The following KATNAL2 variants were observed in gnomAD, a reference collection of about 807,000 sequenced individuals.
KATNAL2 encodes the protein katanin catalytic subunit A1 like 2.
Under a neutral mutation model 76.3 loss-of-function variants are expected in KATNAL2, and 52 were observed. The ratio of observed to expected loss-of-function variants is 0.68; its 90% confidence interval spans 0.55 to 0.86. KATNAL2 has a LOEUF of 0.86. Ranked by LOEUF, KATNAL2 falls within the 40% of genes least tolerant of loss-of-function variation. KATNAL2 has a pLI of 0.00. For synonymous variants in KATNAL2, 243 were observed against 244.2 expected, an observed-to-expected ratio of 1.00 and a Z score of 0.05; for missense variants, 660 against 668.9, an observed-to-expected ratio of 0.99 and a Z score of 0.15.
At position 46,961,155 on chromosome 18, in the gene KATNAL2, T is replaced by C. The variant is rs2059930474; in HGVS notation, c.51+14232T>C. Among the ~76,000 whole-genome samples, 3 of 152,358 alleles carry C rather than the reference T, an allele frequency of 2.0e-5. No individual in the cohort carries two copies. The South Asian group carries it at 6.2e-4, about 32-fold the overall frequency. On this transcript the variant is annotated intron_variant, in intron 3 of 17. Coordinates refer to ENST00000683218, the MANE Select transcript of KATNAL2 (RefSeq NM_001387690.1). ...TTTAGGTCAGGGGTAGATTTTTTAATTTTTTTCTTTAACTACAAGGACCAG... is the reference window on the plus strand; with the variant it reads ...TTTAGGTCAGGGGTAGATTTTTTAACTTTTTTCTTTAACTACAAGGACCAG...
intron 1 of KATNAL2, among the ~76,000 whole-genome samples, chr18:46,920,540 ATTGT>A (rs1309702624): frequency 3.9e-5 from 6 of 152,098 alleles, no homozygotes; most frequent in African/African-American, 7.2e-5. Flanking sequence ...AAGGTTTTAG[ATTGT>A]TTGAGTTGAG....
intron 2 of KATNAL2, 127 bp from the exon 3 acceptor site, chr18:46,946,727 C>A: frequency 1.8e-6 from 2 of 1,110,202 alleles, no homozygotes; most frequent in Non-Finnish European, 2.6e-6. Context: ...AAGAATCCTT[C>A]TGTGGCCAGC....
intron 3 of KATNAL2, among the ~76,000 whole-genome samples, chr18:46,961,422 A>T (rs1405930370): frequency 1.3e-5 from 2 of 152,196 alleles, no homozygotes; most frequent in African/African-American, 4.8e-5. Context: ...AGTGACAGCG[A>T]TTCATGTAAT....
Position 46,935,639 on chromosome 18 carries a change from C to T in KATNAL2, c.-509-10418C>T, listed in dbSNP as rs545671376. Among the ~76,000 whole-genome samples the T allele has an allele frequency of 1.4e-4, 21 of 152,128 alleles. No homozygotes were observed. The South Asian group carries it at 1.7e-3, about 12-fold the overall frequency. ...CATTGAAAAAGAAAAAAAAAGAGCC[C>T]GGGCATGGTGGCTCACACCTGTAAT... On this transcript the variant is annotated intron_variant, in intron 1 of 17. Coordinates refer to ENST00000683218, the MANE Select transcript of KATNAL2 (RefSeq NM_001387690.1).
chr18:47,067,504 C>G (rs1005880596), intron 11 of KATNAL2, among the ~76,000 whole-genome samples: 2 of 152,142 alleles, frequency 1.3e-5, no homozygotes, highest in African/African-American at 4.8e-5. Context: ...CCCCTGCCCC[C>G]CTGACCTACC....
chr18:46,942,264 A>G (rs2059267612), intron 1 of KATNAL2, among the ~76,000 whole-genome samples: 1 of 152,162 alleles, frequency 6.6e-6, no homozygotes, highest in African/African-American at 2.4e-5. Context: ...AAGTTCACTA[A>G]TCCTTTTTCT....
At chr18:47,061,495 C>T (rs1569097630) in intron 8 of KATNAL2, among the ~76,000 whole-genome samples, 1 of 152,164 alleles carries the variant, frequency 6.6e-6, no homozygotes, top group Non-Finnish European at 1.5e-5. Flanking sequence ...ACCCAAACAC[C>T]TCCCACCAGG....
intron 3 of KATNAL2, among the ~76,000 whole-genome samples, chr18:46,948,360 C>A (rs9967390): frequency 4.6e-5 from 7 of 151,682 alleles, no homozygotes; most frequent in African/African-American, 1.5e-4. Flanking sequence ...AATCTTCCCC[C>A]CTCAGCCTCC....
At chr18:47,098,925 G>A (rs2063360379) in intron 15 of KATNAL2, 1 of 222,056 alleles carries the variant, frequency 4.5e-6, no homozygotes. Flanking sequence ...CCCAAATTAA[G>A]TCGCATAAAA....
At chr18:46,956,826 T>A (rs1411411495) in intron 3 of KATNAL2, among the ~76,000 whole-genome samples, 2 of 152,090 alleles carry the variant, frequency 1.3e-5, no homozygotes, top group African/African-American at 2.4e-5. Flanking sequence ...GCAGATCACC[T>A]GAGGTCAGGA....
chr18:46,927,620 GA>G (rs1452088506), intron 1 of KATNAL2, among the ~76,000 whole-genome samples: 1 of 152,138 alleles, frequency 6.6e-6, no homozygotes, highest in Non-Finnish European at 1.5e-5. Flanking sequence ...TCCTGAATCT[GA>G]ATGTTGGCCT....
Position 47,081,016 on chromosome 18 carries a change from C to T in KATNAL2, c.1211+3555C>T, listed in dbSNP as rs532418059. On this transcript the variant is annotated intron_variant, in intron 15 of 17. Transcript: ENST00000683218. ...CCTCCCTCCTTCCTTCCCTCCTTCCCTCCTCCCTTTCCTTCCCTTCCCTCT... is the reference window on the plus strand; with the variant it reads ...CCTCCCTCCTTCCTTCCCTCCTTCCTTCCTCCCTTTCCTTCCCTTCCCTCT... Among the ~76,000 whole-genome samples the T allele has an allele frequency of 1.8e-3, 275 of 149,884 alleles. 1 individual carries two copies. Among genetic ancestry groups the T allele is most frequent in the South Asian group, 5.1e-3 (24 of 4,664 alleles).
At chr18:47,076,863 GTTGAGTA>G (rs2062258974) in intron 14 of KATNAL2, among the ~76,000 whole-genome samples, 1 of 150,498 alleles carries the variant, frequency 6.6e-6, no homozygotes, top group Admixed American at 6.6e-5. Flanking sequence ...GGCAAAGGTA[GTTGAGTA>G]TTAAGGGGCA....
At chr18:47,038,565 G>A (rs138206859) in intron 3 of KATNAL2, among the ~76,000 whole-genome samples, 50 of 152,212 alleles carry the variant, frequency 3.3e-4, no homozygotes, top group African/African-American at 1.0e-3. Context: ...ACAGGTATGC[G>A]CATTTTTCTC....
chr18:47,071,661 T>A (rs1181303541), intron 13 of KATNAL2, among the ~76,000 whole-genome samples: 1 of 152,116 alleles, frequency 6.6e-6, no homozygotes, highest in Non-Finnish European at 1.5e-5. Context: ...GGTGACATAC[T>A]CTTGAGACAG....
At chr18:46,934,109 C>T (rs1238197864) in intron 1 of KATNAL2, among the ~76,000 whole-genome samples, 3 of 152,060 alleles carry the variant, frequency 2.0e-5, no homozygotes, top group African/African-American at 7.2e-5. Context: ...TATAAACACA[C>T]GTGTGCGTGT....
chr18:46,941,915 A>G (rs1001935926), intron 1 of KATNAL2, among the ~76,000 whole-genome samples: 3 of 152,080 alleles, frequency 2.0e-5, no homozygotes, highest in Non-Finnish European at 4.4e-5. Flanking sequence ...ACACTTGGAC[A>G]GGGGAGGGGA....
At position 47,101,450 on chromosome 18, in the gene KATNAL2, C is replaced by T. The variant is rs1213825023; in HGVS notation, c.*445C>T. The T allele has an allele frequency of 1.8e-5, 3 of 166,402 alleles. No individual in the cohort carries two copies. Among genetic ancestry groups the T allele is most frequent in the South Asian group, 3.1e-4 (2 of 6,438 alleles). 10.3% of individuals were successfully genotyped at this position (166,402 alleles called of 1,614,324 possible). ...CTGACAGTCCCAGGGTGAAGGAGGA[C>T]GGAAGCAGGGAAGGCAATGCAGTCT... On this transcript the variant is annotated 3_prime_UTR_variant, in exon 18 of 18. Coordinates refer to ENST00000683218, the MANE Select transcript of KATNAL2 (RefSeq NM_001387690.1).
In KATNAL2 at chr18:47,071,280, A is replaced by G. The variant is rs527339426; in HGVS notation, c.1008+1680A>G. 8.5e-5 allele frequency among the ~76,000 whole-genome samples: 13 copies of G among 152,280 alleles called. No individual in the cohort carries two copies. In the South Asian group the frequency reaches 2.7e-3, roughly 32 times the overall value. On this transcript the variant is annotated intron_variant, in intron 13 of 17. Transcript: ENST00000683218. ...CTCCCAAAATGCTGGGATTACAGGC[A>G]TGAGCCACCATGCCTAGCTTCTCCC...
Sources: gnomAD v4.1 joint callset for allele counts (sites outside exome capture counted in the v4.1 genomes callset) on GRCh38, gnomAD v4.1.1 for gene constraint, MANE v1.5 for transcripts, NCBI Gene and HGNC (gene_info 2026-07-23, HGNC 2026-07-21) for gene names.